Variants in GORASP1 observed in about 807,000 individuals in gnomAD.
The protein encoded by GORASP1 is Golgi reassembly-stacking protein 1.
GORASP1 carries 31 observed loss-of-function variants against 37.7 expected under a neutral mutation model. That is an observed-to-expected ratio of 0.82 (90% CI 0.62 to 1.11). The LOEUF (loss-of-function observed/expected upper bound fraction) is 1.11, where lower values mean the gene tolerates loss of function less well. Ranked by LOEUF, GORASP1 falls within the 50% of genes least tolerant of loss-of-function variation. The pLI is 0.00. For synonymous variants in GORASP1, 204 were observed against 224.8 expected (o/e 0.91, Z 0.83); for missense variants, 476 against 560.7 (o/e 0.85, Z 1.53).
At position 39,103,305 on chromosome 3, in the gene GORASP1, C is replaced by T; in HGVS notation, c.144+168G>A. 1 of 604,056 alleles carries T rather than the reference C, an allele frequency of 1.7e-6. No individual in the cohort carries two copies. Among genetic ancestry groups the T allele is most frequent in the South Asian group, 2.0e-5 (1 of 49,948 alleles). The allele number at this position is 604,056 out of a possible 1,614,324, so 37.4% of individuals were successfully genotyped here. On this transcript the variant is annotated intron_variant, in intron 2 of 8. Coordinates refer to ENST00000319283, the MANE Select transcript of GORASP1 (RefSeq NM_031899.4). This position sits in a 1 kb window ranked among gnomAD's most constrained non-coding sequence, Gnocchi z 5.2. ...CAGAGCTCAGAAGCTGAGCACTGGG[C>T]AGGGCCCCAGTCAGGCTCTGAGTAC...
At position 39,100,711 on chromosome 3, in the gene GORASP1, C is replaced by T. The variant is rs201574508; in HGVS notation, c.566+36G>A. 5.6e-6 allele frequency: 9 copies of T among 1,608,856 alleles called. No individual in the cohort carries two copies. The African/African-American group carries it at 8.0e-5, about 14-fold the overall frequency. On this transcript the variant is annotated intron_variant, in intron 5 of 8. Transcript: ENST00000319283. The surrounding 1 kb of genome is among the most constrained non-coding windows in gnomAD (Gnocchi z 4.6). ...CCATGCCCAATGGTCAGGCCCCACC[C>T]ACCTGGCCCTGCAGCCCTCCAACCC...
intron 1 of GORASP1, chr3:39,106,964 T>C: frequency 2.4e-6 from 1 of 415,912 alleles, no homozygotes; most frequent in South Asian, 1.7e-5. Flanking sequence ...GCACCGGTCC[T>C]CTACCCTCGG....
Position 39,098,354 on chromosome 3 carries a change from A to G in GORASP1, c.1205T>C (p.Leu402Pro), listed in dbSNP as rs1322587428. The G allele has an allele frequency of 1.9e-6, 3 of 1,614,054 alleles. No individual in the cohort carries two copies. Among genetic ancestry groups the G allele is most frequent in the Admixed American group, 3.3e-5 (2 of 60,008 alleles). Reference sequence around the variant, plus strand: ...CTGAGCTTCAAGCAGCTCGGCGGACAGCCCATCTTCTGGTGAGGCTGCAGA... The same window carrying G: ...CTGAGCTTCAAGCAGCTCGGCGGACGGCCCATCTTCTGGTGAGGCTGCAGA... ...LTSAASPEDG[L>P]SAELLEAQAE... The change falls in exon 9 of 9, where the codon CTG (leucine) becomes CCG (proline). Residue 402 changes from leucine to proline, a missense_variant. Physicochemically the swap from Leu to Pro is moderately conservative, Grantham distance 98. Coordinates refer to ENST00000319283, the MANE Select transcript of GORASP1 (RefSeq NM_031899.4). This position sits in a 1 kb window ranked among gnomAD's most constrained non-coding sequence, Gnocchi z 4.7.
rs964790948 is a variant in GORASP1 at position 39,107,440 on chromosome 3, C to A, written c.63+39G>T. On this transcript the variant is annotated intron_variant, in intron 1 of 8. Transcript: ENST00000319283. ...GGACGCCCGGGCGCGGGGTTGCGGG[C>A]GCCTCGCCAAGGTCACCGGCGCCGC... is the stretch of plus-strand genomic sequence containing the variant. 3 of 1,266,120 alleles carry A rather than the reference C, an allele frequency of 2.4e-6. No homozygotes were observed. In the African/African-American group the frequency reaches 4.7e-5, roughly 20 times the overall value. 78.4% of individuals were successfully genotyped at this position (1,266,120 alleles called of 1,614,324 possible).
Position 39,100,042 on chromosome 3 carries a change from C to T in GORASP1, c.765+263G>A, listed in dbSNP as rs138230642. ...CCACAACTCACAGGCACAGCAAGCA[C>T]CCATCTCTGAGCCTCAGTTTCCCAC... On this transcript the variant is annotated intron_variant, in intron 6 of 8. Transcript: ENST00000319283. The surrounding 1 kb of genome is among the most constrained non-coding windows in gnomAD (Gnocchi z 4.6). Among the ~76,000 whole-genome samples the T allele has an allele frequency of 6.6e-6, 1 of 152,234 alleles. No individual in the cohort carries two copies. Among genetic ancestry groups the T allele is most frequent in the African/African-American group, 2.4e-5 (1 of 41,450 alleles).
rs2035874622 is a variant in GORASP1, at chr3:39,103,868, T to C, written c.64-315A>G. 3.3e-6 allele frequency: 1 copy of C among 304,654 alleles called. No individual in the cohort carries two copies. The highest frequency in any genetic ancestry group is 6.1e-6 in the Non-Finnish European group (1 of 164,416). 18.9% of individuals were successfully genotyped at this position (304,654 alleles called of 1,614,324 possible). ...ACAGGCTGGCCCAGGCCTGTGGGAATGCTGCTCTAGAGGGCTAGGCTAGGG... is the reference window on the plus strand; with the variant it reads ...ACAGGCTGGCCCAGGCCTGTGGGAACGCTGCTCTAGAGGGCTAGGCTAGGG... On this transcript the variant is annotated intron_variant, in intron 1 of 8. Transcript: ENST00000319283. The surrounding 1 kb of genome is among the most constrained non-coding windows in gnomAD (Gnocchi z 5.2).
At position 39,100,995 on chromosome 3, in the gene GORASP1, G is replaced by A; in HGVS notation, c.435+21C>T. On this transcript the variant is annotated intron_variant, in intron 4 of 8. Transcript: ENST00000319283. The surrounding 1 kb of genome is among the most constrained non-coding windows in gnomAD (Gnocchi z 4.6). ...ACCACATCCAGAGGGTCTGGGGAGG[G>A]GCAAATTGCGGGTTCCTCACCTCCT... The A allele has an allele frequency of 6.2e-7, 1 of 1,613,906 alleles. No individual in the cohort carries two copies. Among genetic ancestry groups the A allele is most frequent in the South Asian group, 1.1e-5 (1 of 91,088 alleles).
At position 39,099,498 on chromosome 3, in the gene GORASP1, C is replaced by A; in HGVS notation, c.771G>T (p.Leu257=). ...CCATGGAGGAGCCAGGTGCCTGCAG[C>A]AGGGCCTAGGAAAGAAGAAGAAATG... The part of the protein sequence containing the change: ...GSRQSDYMEA[L]LQAPGSSMED... Residue 257 remains leucine (L), a synonymous_variant, in exon 7 of 9, where the codon CTG becomes CTT. Transcript: ENST00000319283. 1 of 1,609,436 alleles carries A rather than the reference C, an allele frequency of 6.2e-7. No homozygotes were observed. Among genetic ancestry groups the A allele is most frequent in the East Asian group, 2.2e-5 (1 of 44,750 alleles).
rs974784562 is a variant in GORASP1, at chr3:39,100,615, T to C, written c.567-112A>G. 4.9e-5 allele frequency: 72 copies of C among 1,477,592 alleles called. 1 individual carries two copies. The South Asian group carries it at 8.6e-4, about 18-fold the overall frequency. 91.5% of individuals were successfully genotyped at this position (1,477,592 alleles called of 1,614,324 possible). ...GGGGCTGAAAAGGGTACTTCTGAAA[T>C]ACCGGTCAGCCTCAGGATCCCTGGG... On this transcript the variant is annotated intron_variant, in intron 5 of 8. Coordinates refer to ENST00000319283, the MANE Select transcript of GORASP1 (RefSeq NM_031899.4). The surrounding 1 kb of genome is among the most constrained non-coding windows in gnomAD (Gnocchi z 4.6).
rs1343731377 is a variant in GORASP1 at position 39,100,925 on chromosome 3, TCAA to T, written c.436-51_436-49del. ...GAGGCCTGCTTCCAGGGCTAAAGCC[TCAA>T]CAAAACCAGACACTTCTCATGGACA... On this transcript the variant is annotated intron_variant, in intron 4 of 8. Transcript: ENST00000319283. This position sits in a 1 kb window ranked among gnomAD's most constrained non-coding sequence, Gnocchi z 4.6. 1.9e-6 allele frequency: 3 copies of T among 1,613,742 alleles called. No individual in the cohort carries two copies. In the Admixed American group the frequency reaches 5.0e-5, roughly 27 times the overall value.
At chr3:39,106,104 T>G (rs988032738) in intron 1 of GORASP1, among the ~76,000 whole-genome samples, 4 of 152,166 alleles carry the variant, frequency 2.6e-5, no homozygotes, top group Admixed American at 6.5e-5. Context: ...CCACCTACCA[T>G]GTATTTTTTC....
rs770845940 is a variant in GORASP1, at chr3:39,098,327, G to A, written c.1232C>T (p.Ala411Val). 1 of 1,614,192 alleles carries A rather than the reference G, an allele frequency of 6.2e-7. No homozygotes were observed. The highest frequency in any genetic ancestry group is 8.5e-7 in the Non-Finnish European group (1 of 1,180,032). ...CTCTGTGCTTGCTGGTTCCTCCTCA[G>A]CCTGAGCTTCAAGCAGCTCGGCGGA... ...GLSAELLEAQ[A>V]EEEPASTEGL... The change falls in exon 9 of 9, where the codon GCT becomes GTT. Residue 411 changes from alanine to valine, a missense_variant. By Grantham distance (64) the Ala-to-Val change is moderately conservative (BLOSUM62 0). Transcript: ENST00000319283. The surrounding 1 kb of genome is among the most constrained non-coding windows in gnomAD (Gnocchi z 4.7).
chr3:39,099,431 G>C lies in GORASP1; in HGVS notation c.838C>G (p.Pro280Ala). The change falls in exon 7 of 9, where the codon CCA becomes GCA. Residue 280 changes from proline (P) to alanine (A), a missense_variant. By Grantham distance (27) the Pro-to-Ala change is conservative (BLOSUM62 -1). Transcript: ENST00000319283. ...AAATGGGGAAGTCCATCAGGGTCTG[G>C]AGCACTGTGGCTGGGACTCCCAGGC... Reference protein sequence around the residue: ...PGPGSPSHSAPDPDGLPHFME... With the variant: ...PGPGSPSHSAADPDGLPHFME... 6.2e-7 allele frequency: 1 copy of C among 1,612,532 alleles called. No homozygotes were observed. Among genetic ancestry groups the C allele is most frequent in the Non-Finnish European group, 8.5e-7 (1 of 1,179,380 alleles).
rs200621752 is a variant in GORASP1, at chr3:39,103,427, C to A, written c.144+46G>T. On this transcript the variant is annotated intron_variant, in intron 2 of 8. Coordinates refer to ENST00000319283, the MANE Select transcript of GORASP1 (RefSeq NM_031899.4). This position sits in a 1 kb window ranked among gnomAD's most constrained non-coding sequence, Gnocchi z 5.2. ...CCCCTGTGGGACAGATGAAGACACA[C>A]AAACACACATAAGCAAGCAAAGCAG... 4 of 1,524,570 alleles carry A rather than the reference C, an allele frequency of 2.6e-6. No individual in the cohort carries two copies. In the East Asian group the frequency reaches 9.0e-5, roughly 34 times the overall value. 94.4% of individuals were successfully genotyped at this position (1,524,570 alleles called of 1,614,324 possible). A position where few individuals can be genotyped will look rare whatever the true frequency, so the allele number is the denominator to read the frequency against.
rs1489034251 is a variant in GORASP1 at position 39,096,876 on chromosome 3, G to T, written c.*1360C>A. On this transcript the variant is annotated 3_prime_UTR_variant, in exon 9 of 9. Transcript: ENST00000319283. ...AGGGCAACTTTGGGTCAGACTGCCAGGCTACAGAGTTAAGGGAAGCTGGCC... is the reference window on the plus strand; with the variant it reads ...AGGGCAACTTTGGGTCAGACTGCCATGCTACAGAGTTAAGGGAAGCTGGCC... 6.6e-6 allele frequency: 1 copy of T among 152,210 alleles called. No homozygotes were observed. Among genetic ancestry groups the T allele is most frequent in the East Asian group, 1.9e-4 (1 of 5,194 alleles). 9.4% of individuals were successfully genotyped at this position (152,210 alleles called of 1,614,324 possible). A position where few individuals can be genotyped will look rare whatever the true frequency, so the allele number is the denominator to read the frequency against.
chr3:39,102,371 G>A lies in GORASP1; in HGVS notation c.348+307C>T. ...GAATAATAAAAGCAGCAGCATTCCAGCAGTCCAACCACCATTCCAGTAGAT... is the reference window on the plus strand; with the variant it reads ...GAATAATAAAAGCAGCAGCATTCCAACAGTCCAACCACCATTCCAGTAGAT... On this transcript the variant is annotated intron_variant, in intron 3 of 8. Transcript: ENST00000319283. This position sits in a 1 kb window ranked among gnomAD's most constrained non-coding sequence, Gnocchi z 5.0. 1 of 501,550 alleles carries A rather than the reference G, an allele frequency of 2.0e-6. No homozygotes were observed. The highest frequency in any genetic ancestry group is 3.6e-6 in the Non-Finnish European group (1 of 275,752). 31.1% of individuals were successfully genotyped at this position (501,550 alleles called of 1,614,324 possible). A position where few individuals can be genotyped will look rare whatever the true frequency, so the allele number is the denominator to read the frequency against.
At chr3:39,101,490 T>C (rs1387606941) in intron 3 of GORASP1, 1 of 467,300 alleles carries the variant, frequency 2.1e-6, no homozygotes. Flanking sequence ...AATAAATATA[T>C]GAAAAGAAGA....
rs964583823 is a variant in GORASP1 at position 39,100,600 on chromosome 3, A to G, written c.567-97T>C. The G allele has an allele frequency of 1.4e-6, 2 of 1,473,872 alleles. No homozygotes were observed. The highest frequency in any genetic ancestry group is 1.8e-6 in the Non-Finnish European group (2 of 1,093,068). The allele number at this position is 1,473,872 out of a possible 1,614,324, so 91.3% of individuals were successfully genotyped here. The stretch of plus-strand genomic sequence containing the variant: ...ACTACCAGCAATAAGGGGGCTGAAA[A>G]GGGTACTTCTGAAATACCGGTCAGC... On this transcript the variant is annotated intron_variant, in intron 5 of 8. Coordinates refer to ENST00000319283, the MANE Select transcript of GORASP1 (RefSeq NM_031899.4). The surrounding 1 kb of genome is among the most constrained non-coding windows in gnomAD (Gnocchi z 4.6).
In GORASP1 at chr3:39,100,657, C is replaced by T. The variant is rs1257333568; in HGVS notation, c.566+90G>A. 1.3e-6 allele frequency: 2 copies of T among 1,542,338 alleles called. No individual in the cohort carries two copies. The highest frequency in any genetic ancestry group is 1.8e-6 in the Non-Finnish European group (2 of 1,139,452). Reference sequence around the variant, plus strand: ...ATCCCTGGGCCCAGGGCCCAACCCTCCTCCATCTCCACCATAGAACTCTGA... The same window carrying T: ...ATCCCTGGGCCCAGGGCCCAACCCTTCTCCATCTCCACCATAGAACTCTGA... On this transcript the variant is annotated intron_variant, in intron 5 of 8. Transcript: ENST00000319283. This position sits in a 1 kb window ranked among gnomAD's most constrained non-coding sequence, Gnocchi z 4.6.
Sources: allele counts gnomAD v4.1 joint callset (sites outside exome capture counted in the v4.1 genomes callset), GRCh38; gene constraint gnomAD v4.1.1; non-coding constraint Gnocchi (gnomAD v3.1); transcripts MANE v1.5; gene names NCBI Gene and HGNC (gene_info 2026-07-23, HGNC 2026-07-21).